BLTP1: variants seen among roughly 807,000 people sequenced by gnomAD.
BLTP1 encodes the protein bridge-like lipid transfer protein family member 1.
At chr4:122,191,962 A>G in the BLTP1 span, among the ~76,000 whole-genome samples, 1 of 152,152 alleles carries the variant, frequency 6.6e-6, no homozygotes, top group Admixed American at 6.5e-5. Context: ...ATTTTATATT[A>G]CATGTTATAT....
At chr4:122,334,194 CAAAG>C in the BLTP1 span, 1 of 757,760 alleles carries the variant, frequency 1.3e-6, no homozygotes. Flanking sequence ...TGAATAAAAG[CAAAG>C]AAACTTGCCA....
the BLTP1 span, chr4:122,196,839 A>G: frequency 2.7e-6 from 3 of 1,102,138 alleles, no homozygotes; most frequent in Non-Finnish European, 3.7e-6. Flanking sequence ...AAATTTTGAC[A>G]TTATTTTTCA....
chr4:122,314,270 T>C, the BLTP1 span: 8 of 287,280 alleles, frequency 2.8e-5, no homozygotes, highest in Non-Finnish European at 4.2e-5. Flanking sequence ...CCAATTTAGC[T>C]AGAATAGAGT....
At chr4:122,234,952 T>C in the BLTP1 span, 3 of 1,613,834 alleles carry the variant, frequency 1.9e-6, no homozygotes, top group South Asian at 1.1e-5. Flanking sequence ...GAGTCTGATA[T>C]GTATTATGGA....
At chr4:122,243,802 A>G in the BLTP1 span, 3 of 1,428,520 alleles carry the variant, frequency 2.1e-6, no homozygotes, top group Non-Finnish European at 2.8e-6. Context: ...GGAAGCTCCA[A>G]CTTCTAATTC....
the BLTP1 span, chr4:122,200,986 T>G: frequency 6.2e-7 from 1 of 1,601,548 alleles, no homozygotes; most frequent in Non-Finnish European, 8.5e-7. Context: ...CTTAATTACT[T>G]TTACCTAACA....
At chr4:122,310,796 A>G in the BLTP1 span, 1 of 216,328 alleles carries the variant, frequency 4.6e-6, no homozygotes, top group Non-Finnish European at 7.9e-6. Flanking sequence ...GTGTGTACTA[A>G]ACCCCATCAA....
At chr4:122,342,634 A>G in the BLTP1 span, among the ~76,000 whole-genome samples, 1 of 152,146 alleles carries the variant, frequency 6.6e-6, no homozygotes, top group Non-Finnish European at 1.5e-5. Context: ...GATTATAGGC[A>G]TGAGCCACTG....
At chr4:122,292,670 G>T in the BLTP1 span, 1 of 779,788 alleles carries the variant, frequency 1.3e-6, no homozygotes, top group Non-Finnish European at 1.6e-6. Flanking sequence ...TAATTAAAAA[G>T]CATGAATATT....
the BLTP1 span, among the ~76,000 whole-genome samples, chr4:122,222,312 C>T: frequency 6.6e-6 from 1 of 152,114 alleles, no homozygotes; most frequent in Non-Finnish European, 1.5e-5. Context: ...CTGGGTTACC[C>T]ACTTGTAGTT....
At chr4:122,265,913 G>A in the BLTP1 span, among the ~76,000 whole-genome samples, 37 of 152,284 alleles carry the variant, frequency 2.4e-4, 1 homozygote, top group Middle Eastern at 3.4e-3. Flanking sequence ...TAGCCAGGAT[G>A]GTCTCGATCT....
At chr4:122,185,727 G>A in the BLTP1 span, among the ~76,000 whole-genome samples, 1 of 151,952 alleles carries the variant, frequency 6.6e-6, no homozygotes, top group African/African-American at 2.4e-5. Context: ...TAGGGTAAAG[G>A]TGTACTTTTA....
chr4:122,346,710 G>A, the BLTP1 span: 1 of 1,613,346 alleles, frequency 6.2e-7, no homozygotes. Context: ...TGGTATAGAA[G>A]AAGTATTGCA....
chr4:122,275,363 T>G, the BLTP1 span, among the ~76,000 whole-genome samples: 4 of 152,100 alleles, frequency 2.6e-5, no homozygotes, highest in Admixed American at 2.6e-4. Flanking sequence ...CCTAAAATAC[T>G]TAATATAGTC....
chr4:122,216,629 ATTTG>A, the BLTP1 span, among the ~76,000 whole-genome samples: 6 of 151,844 alleles, frequency 4.0e-5, no homozygotes, highest in Admixed American at 2.0e-4. Context: ...TTCCTTGCTG[ATTTG>A]TTTGAGTTCC....
chr4:122,266,260 A>G, the BLTP1 span, among the ~76,000 whole-genome samples: 1 of 152,234 alleles, frequency 6.6e-6, no homozygotes, highest in Non-Finnish European at 1.5e-5. Context: ...AGCATGTATG[A>G]TACTTAAAAT....
chr4:122,230,958 C>T, the BLTP1 span, among the ~76,000 whole-genome samples: 3 of 151,900 alleles, frequency 2.0e-5, no homozygotes, highest in Admixed American at 1.3e-4. Flanking sequence ...AAACTTATAT[C>T]CCAAGCATCT....
the BLTP1 span, chr4:122,334,577 C>G: frequency 6.3e-7 from 1 of 1,592,906 alleles, no homozygotes; most frequent in Non-Finnish European, 8.5e-7. Flanking sequence ...TATTTTTTGT[C>G]ATTTTAAAAA....
the BLTP1 span, chr4:122,349,008 T>C: frequency 1.5e-6 from 1 of 669,366 alleles, no homozygotes; most frequent in Non-Finnish European, 2.3e-6. This position sits in a 1 kb window ranked among gnomAD's most constrained non-coding sequence, Gnocchi z 4.5. Flanking sequence ...TATTCAAATA[T>C]TTACCACACA....
Sources: allele counts gnomAD v4.1 joint callset (sites outside exome capture counted in the v4.1 genomes callset), GRCh38; gene constraint gnomAD v4.1.1; non-coding constraint Gnocchi (gnomAD v3.1); transcripts MANE v1.5; gene names NCBI Gene and HGNC (gene_info 2026-07-23, HGNC 2026-07-21).